Variants in AK5 observed in about 807,000 individuals in gnomAD.
AK5 encodes the protein adenylate kinase isoenzyme 5.
Under a neutral mutation model 69.5 loss-of-function variants are expected in AK5, and 27 were observed. The observed-to-expected ratio is 0.39, with a 90% CI of 0.29 to 0.54. AK5 has a LOEUF of 0.54. Among genes scored for constraint, AK5 ranks in the 20% least tolerant of loss-of-function variants. The probability of loss-of-function intolerance (pLI) is 0.71; values close to 1 mark genes in which losing one functional copy is unlikely to be tolerated. For missense variants in AK5, 531 were observed against 700.4 expected, an observed-to-expected ratio of 0.76 and a Z score of 2.73; for synonymous variants, 260 against 244.4, an observed-to-expected ratio of 1.06 and a Z score of -0.60.
intron 3 of AK5, among the ~76,000 whole-genome samples, chr1:77,295,701 A>G (rs1570328310): frequency 6.6e-6 from 1 of 152,188 alleles, no homozygotes; most frequent in African/African-American, 2.4e-5. Context: ...GCTGCTAGTA[A>G]TAAAGTATTG....
intron 6 of AK5, among the ~76,000 whole-genome samples, chr1:77,391,432 C>CATATAT (rs1182177628): frequency 4.2e-5 from 4 of 95,592 alleles, no homozygotes; most frequent in Admixed American, 2.5e-4. Flanking sequence ...TATATATATA[C>CATATAT]ATATATACAT....
intron 8 of AK5, among the ~76,000 whole-genome samples, chr1:77,449,361 TG>T (rs1652992285): frequency 6.6e-6 from 1 of 152,252 alleles, no homozygotes; most frequent in African/African-American, 2.4e-5. Flanking sequence ...TTGACTACCC[TG>T]CTGGATTTCA....
intron 8 of AK5, among the ~76,000 whole-genome samples, chr1:77,426,946 A>G (rs1651249786): frequency 6.6e-6 from 1 of 152,154 alleles, no homozygotes; most frequent in Non-Finnish European, 1.5e-5. Flanking sequence ...ATGAAAATGA[A>G]AATTTAACAA....
chr1:77,470,858 TATATATATATATATATA>T (rs1248441490), intron 8 of AK5, among the ~76,000 whole-genome samples: 1,543 of 9,078 alleles, frequency 0.17, 172 homozygotes, highest in East Asian at 0.47. Flanking sequence ...TATATATATA[TATATATATATATATATA>T]TTTTTTTTTT....
At chr1:77,422,680 G>C (rs1362446783) in intron 8 of AK5, among the ~76,000 whole-genome samples, 1 of 152,076 alleles carries the variant, frequency 6.6e-6, no homozygotes, top group Non-Finnish European at 1.5e-5. Context: ...CTTCTCAGGG[G>C]GCCCGTGATA....
At chr1:77,368,253 A>ATATATATGTTATATATATT in intron 6 of AK5, among the ~76,000 whole-genome samples, 1 of 38,670 alleles carries the variant, frequency 2.6e-5, no homozygotes, top group East Asian at 2.3e-3. Context: ...ATATATATAT[A>ATATATATGTTATATATATT]ATATATATGT....
Position 77,340,520 on chromosome 1 carries a change from T to C in AK5, c.843T>C (p.Asn281=), listed in dbSNP as rs1661599136. ...GGAGACTAATGAACTTCAAGCAGAA[T>C]GCTGCTCCATTGGTTAAATACTTCC... ...TQRRLMNFKQ[N]AAPLVKYFQE... The change falls in exon 6 of 14, where the codon AAT becomes AAC. Residue 281 remains asparagine, a synonymous_variant. Transcript: ENST00000354567. The C allele has an allele frequency of 6.2e-7, 1 of 1,614,102 alleles. No individual in the cohort carries two copies.
intron 6 of AK5, among the ~76,000 whole-genome samples, chr1:77,395,608 T>C (rs1648775147): frequency 6.6e-6 from 1 of 152,218 alleles, no homozygotes; most frequent in Non-Finnish European, 1.5e-5. Flanking sequence ...GTGCTCACTT[T>C]GTCTTTGAGT....
chr1:77,340,375 A>G lies in AK5; in HGVS notation c.700-2A>G, dbSNP rs1184604834. On this transcript the variant is annotated splice_acceptor_variant, in intron 5 of 13. Transcript: ENST00000354567. LOFTEE classifies it high-confidence loss of function. ...CTCTCTATTTGTTGATGCTCTCCAC[A>G]GATCTGTACCCCCGATTTGGTGGTA... 6.2e-7 allele frequency: 1 copy of G among 1,612,506 alleles called. No individual in the cohort carries two copies. The highest frequency in any genetic ancestry group is 8.5e-7 in the Non-Finnish European group (1 of 1,178,936).
chr1:77,383,779 G>A (rs1380045380), intron 6 of AK5, among the ~76,000 whole-genome samples: 1 of 152,028 alleles, frequency 6.6e-6, no homozygotes, highest in Non-Finnish European at 1.5e-5. Flanking sequence ...GTTTTTAAGT[G>A]ATAATAATGC....
chr1:77,482,988 A>T (rs139934022), intron 8 of AK5, among the ~76,000 whole-genome samples: 1 of 113,524 alleles, frequency 8.8e-6, no homozygotes, highest in Non-Finnish European at 1.7e-5. Context: ...TAGTTTTTGC[A>T]CTTTAAAAAA....
chr1:77,376,562 A>C (rs1419227127), intron 6 of AK5, among the ~76,000 whole-genome samples: 2 of 152,030 alleles, frequency 1.3e-5, no homozygotes, highest in African/African-American at 4.8e-5. Context: ...GATTTTCAAA[A>C]AGAACCATTA....
At position 77,467,924 on chromosome 1, in the gene AK5, A is replaced by G. The variant is rs368499062; in HGVS notation, c.1060-15393A>G. Among the ~76,000 whole-genome samples, 3 of 152,318 alleles carry G rather than the reference A, an allele frequency of 2.0e-5. No individual in the cohort carries two copies. In the South Asian group the frequency reaches 6.2e-4, roughly 32 times the overall value. ...TCCCTCACCCGGTGCTCATAGCAGT[A>G]TCATCATGTAAGCACAGGAAAGGAA... On this transcript the variant is annotated intron_variant, in intron 8 of 13. Transcript: ENST00000354567.
At chr1:77,500,590 G>T (rs541389232) in intron 10 of AK5, among the ~76,000 whole-genome samples, 2 of 152,080 alleles carry the variant, frequency 1.3e-5, no homozygotes, top group Non-Finnish European at 2.9e-5. Flanking sequence ...ATCAGCCTGA[G>T]TGAGCAACAT....
At chr1:77,437,971 A>G (rs1652058602) in intron 8 of AK5, among the ~76,000 whole-genome samples, 1 of 152,192 alleles carries the variant, frequency 6.6e-6, no homozygotes, top group East Asian at 1.9e-4. Context: ...TAATTAACTA[A>G]AGCAATTGTT....
At chr1:77,389,151 G>A (rs1377933775) in intron 6 of AK5, among the ~76,000 whole-genome samples, 1 of 152,180 alleles carries the variant, frequency 6.6e-6, no homozygotes, top group Non-Finnish European at 1.5e-5. Context: ...TATGAAAGTG[G>A]ATATCCCAAG....
intron 2 of AK5, among the ~76,000 whole-genome samples, chr1:77,288,642 C>G (rs1167202): frequency 0.16 from 24,061 of 152,054 alleles, 2,222 homozygotes; most frequent in African/African-American, 0.25. Flanking sequence ...CTTCACCATT[C>G]ATGCAGAAGT....
At chr1:77,305,579 T>A (rs1659589956) in intron 5 of AK5, among the ~76,000 whole-genome samples, 1 of 152,230 alleles carries the variant, frequency 6.6e-6, no homozygotes, top group African/African-American at 2.4e-5. Flanking sequence ...CCAGAACCAT[T>A]TATTAAGGCA....
intron 7 of AK5, among the ~76,000 whole-genome samples, chr1:77,414,953 C>A (rs1355597275): frequency 2.6e-5 from 4 of 152,062 alleles, no homozygotes; most frequent in African/African-American, 9.7e-5. Context: ...AATCATTATC[C>A]AAGCTGATAA....
Sources: gnomAD v4.1 joint callset for allele counts (sites outside exome capture counted in the v4.1 genomes callset) on GRCh38, gnomAD v4.1.1 for gene constraint, MANE v1.5 for transcripts, NCBI Gene and HGNC (gene_info 2026-07-23, HGNC 2026-07-21) for gene names.